The following RAPGEF4 variants were observed in gnomAD, a reference collection of about 807,000 sequenced individuals.
RAPGEF4 encodes the protein Rap guanine nucleotide exchange factor 4, also known as RAP guanine-nucleotide-exchange factor (GEF) 4.
In RAPGEF4, 66 loss-of-function variants were observed where a neutral mutation model predicts 147.9. The observed-to-expected ratio is 0.45, with a 90% CI of 0.37 to 0.55. RAPGEF4 has a LOEUF of 0.55. RAPGEF4 is among the 20% of genes least tolerant of loss of function. The pLI is 0.00. For missense variants in RAPGEF4, 1,071 were observed against 1,257.3 expected, an observed-to-expected ratio of 0.85 and a Z score of 2.24; for synonymous variants, 419 against 442.7, an observed-to-expected ratio of 0.95 and a Z score of 0.67.
At chr2:172,831,265 A>ATTTTTTTTTTTTTTT (rs1491195850) in intron 4 of RAPGEF4, among the ~76,000 whole-genome samples, 6 of 16,614 alleles carry the variant, frequency 3.6e-4, no homozygotes, top group East Asian at 4.8e-3. Context: ...CAGATAGAAA[A>ATTTTTTTTTTTTTTT]CTTTTTTTTT....
At chr2:172,946,171 T>G (rs1007034874) in intron 6 of RAPGEF4, among the ~76,000 whole-genome samples, 1 of 152,218 alleles carries the variant, frequency 6.6e-6, no homozygotes, top group African/African-American at 2.4e-5. Flanking sequence ...TTGCTTATGA[T>G]TTAGCATTAT....
chr2:172,799,288 C>T (rs886289185), intron 3 of RAPGEF4, among the ~76,000 whole-genome samples: 3 of 152,032 alleles, frequency 2.0e-5, no homozygotes, highest in Non-Finnish European at 2.9e-5. Context: ...ACGAAGTCCC[C>T]GAGTGGTTAA....
intron 4 of RAPGEF4, among the ~76,000 whole-genome samples, chr2:172,873,269 G>T (rs1013729965): frequency 1.3e-5 from 2 of 152,164 alleles, no homozygotes; most frequent in Non-Finnish European, 2.9e-5. Context: ...GTCTGGAAAT[G>T]TTCTCATGTT....
chr2:172,919,995 A>G (rs1419128615), intron 5 of RAPGEF4, among the ~76,000 whole-genome samples: 3 of 152,148 alleles, frequency 2.0e-5, no homozygotes, highest in Admixed American at 6.5e-5. Flanking sequence ...ATTTTAGGGC[A>G]GAGATGAGTC....
At chr2:172,776,515 C>T (rs371206022) in intron 1 of RAPGEF4, among the ~76,000 whole-genome samples, 9 of 151,906 alleles carry the variant, frequency 5.9e-5, no homozygotes, top group South Asian at 4.2e-4. Context: ...AAATTTTTTT[C>T]CCCTCCATTT....
intron 9 of RAPGEF4, 106 bp downstream of exon 9, chr2:172,965,789 CT>C: frequency 7.2e-7 from 1 of 1,396,012 alleles, no homozygotes; most frequent in Non-Finnish European, 1.0e-6. Flanking sequence ...ATTACGATCC[CT>C]TTAGGGACCT....
chr2:172,902,435 T>TG (rs1699170502), intron 4 of RAPGEF4, among the ~76,000 whole-genome samples: 1 of 152,142 alleles, frequency 6.6e-6, no homozygotes, highest in Non-Finnish European at 1.5e-5. Context: ...CCTGAGTAGC[T>TG]GGGACTACAG....
At chr2:172,931,279 G>A (rs1357820956) in intron 6 of RAPGEF4, among the ~76,000 whole-genome samples, 5 of 151,370 alleles carry the variant, frequency 3.3e-5, no homozygotes, top group African/African-American at 7.3e-5. Flanking sequence ...TACATGGAGC[G>A]TAATTCTAGA....
rs201210707 is a variant in RAPGEF4 at position 172,745,602 on chromosome 2, CTTA to C, written c.65+9557_65+9559del. Among the ~76,000 whole-genome samples the C allele has an allele frequency of 8.9e-4, 135 of 151,668 alleles. 1 individual carries two copies. The highest frequency in any genetic ancestry group is 3.0e-3 in the African/African-American group (125 of 41,356). On this transcript the variant is annotated intron_variant, in intron 1 of 30. Transcript: ENST00000397081. ...TTTTTTCTCCTTACTTTGGGTTTAA[CTTA>C]TTCTTCTTTTTCTGGCTTCTTAAAG...
intron 4 of RAPGEF4, among the ~76,000 whole-genome samples, chr2:172,835,700 A>T (rs1330025951): frequency 6.6e-6 from 1 of 152,188 alleles, no homozygotes; most frequent in Admixed American, 6.5e-5. Flanking sequence ...TACGTTCTTG[A>T]TACTTATGAT....
intron 1 of RAPGEF4, among the ~76,000 whole-genome samples, chr2:172,739,459 C>A (rs1694114661): frequency 6.6e-6 from 1 of 152,004 alleles, no homozygotes; most frequent in African/African-American, 2.4e-5. Context: ...GCAACCTCCC[C>A]CTCCTGGTTT....
At chr2:172,884,421 T>C (rs1696956089) in intron 4 of RAPGEF4, among the ~76,000 whole-genome samples, 1 of 152,222 alleles carries the variant, frequency 6.6e-6, no homozygotes, top group Non-Finnish European at 1.5e-5. Context: ...GGACTAACAT[T>C]TGCAACATCA....
At chr2:172,835,247 G>A (rs991109048) in intron 4 of RAPGEF4, among the ~76,000 whole-genome samples, 1 of 152,154 alleles carries the variant, frequency 6.6e-6, no homozygotes, top group Non-Finnish European at 1.5e-5. Flanking sequence ...CATTCATTTT[G>A]GTGTCTTAGA....
chr2:172,736,092 C>A, intron 1 of RAPGEF4, 44 bp downstream of exon 1: 1 of 1,403,218 alleles, frequency 7.1e-7, no homozygotes, highest in Non-Finnish European at 9.3e-7. Flanking sequence ...CTCTGCGGTG[C>A]TGCCCGGGCC....
chr2:172,906,236 A>G (rs1423424408), intron 4 of RAPGEF4, among the ~76,000 whole-genome samples: 2 of 152,204 alleles, frequency 1.3e-5, no homozygotes, highest in Non-Finnish European at 1.5e-5. Flanking sequence ...TTGTCATGAC[A>G]GTTTATGATC....
At chr2:172,879,242 A>G (rs1452263624) in intron 4 of RAPGEF4, among the ~76,000 whole-genome samples, 2 of 152,160 alleles carry the variant, frequency 1.3e-5, no homozygotes, top group Non-Finnish European at 2.9e-5. Context: ...AAACTGAGAG[A>G]TCTATATATA....
At chr2:173,024,924 A>G (rs1310305049) in intron 23 of RAPGEF4, among the ~76,000 whole-genome samples, 1 of 152,180 alleles carries the variant, frequency 6.6e-6, no homozygotes, top group Non-Finnish European at 1.5e-5. Flanking sequence ...TCTTGTTGCC[A>G]TCCTTCCACC....
At chr2:172,984,453 C>G (rs1692020261) in intron 11 of RAPGEF4, among the ~76,000 whole-genome samples, 1 of 152,198 alleles carries the variant, frequency 6.6e-6, no homozygotes, top group African/African-American at 2.4e-5. Context: ...AAGAGGGCTT[C>G]AAGTCCCCTC....
Position 173,018,638 on chromosome 2 carries a change from G to T in RAPGEF4, c.2009-18G>T, listed in dbSNP as rs758702288. ...ACTCTTAAGAGTGATTTACTACCTT[G>T]TTACTGCCTTTGGATAGTTCTGTTT... On this transcript the variant is annotated intron_variant, in intron 21 of 30. Coordinates refer to ENST00000397081, the MANE Select transcript of RAPGEF4 (RefSeq NM_007023.4). 3 of 1,600,322 alleles carry T rather than the reference G, an allele frequency of 1.9e-6. No homozygotes were observed. Among genetic ancestry groups the T allele is most frequent in the African/African-American group, 2.7e-5 (2 of 74,328 alleles).
Sources: gnomAD v4.1 joint callset for allele counts (sites outside exome capture counted in the v4.1 genomes callset) on GRCh38, gnomAD v4.1.1 for gene constraint, MANE v1.5 for transcripts, NCBI Gene and HGNC (gene_info 2026-07-23, HGNC 2026-07-21) for gene names.